Variants in ZCCHC10 observed in about 807,000 individuals in gnomAD.
ZCCHC10 encodes zinc finger CCHC domain-containing protein 10.
ZCCHC10 carries 16 observed loss-of-function variants against 19.5 expected under a neutral mutation model. The observed-to-expected ratio is 0.82, with a 90% CI of 0.56 to 1.25. The LOEUF is 1.25. Ranked by LOEUF, ZCCHC10 falls within the 50% of genes most tolerant of loss-of-function variation. The pLI, the probability that ZCCHC10 is intolerant of heterozygous loss-of-function variation, is 0.00. For missense variants in ZCCHC10, 197 were observed against 201.0 expected, an observed-to-expected ratio of 0.98 and a Z score of 0.12; for synonymous variants, 67 against 72.5, an observed-to-expected ratio of 0.92 and a Z score of 0.38.
chr5:133,007,183 G>A (rs1345005560), intron 2 of ZCCHC10, among the ~76,000 whole-genome samples: 1 of 151,996 alleles, frequency 6.6e-6, no homozygotes, highest in African/African-American at 2.4e-5. Flanking sequence ...TAATCATAGG[G>A]GCAAGTCTTT....
chr5:133,011,162 G>A (rs547256126), intron 2 of ZCCHC10, among the ~76,000 whole-genome samples: 13 of 151,392 alleles, frequency 8.6e-5, no homozygotes, highest in South Asian at 4.2e-4. Context: ...AAGTTGCCCC[G>A]GCTGGTCTTG....
At chr5:133,012,152 AAAAG>A (rs149949257) in intron 2 of ZCCHC10, among the ~76,000 whole-genome samples, 9,042 of 80,424 alleles carry the variant, frequency 0.11, 1,368 homozygotes, top group African/African-American at 0.29. Flanking sequence ...AAAAAAAAAA[AAAAG>A]AAAGAAAGAA....
Position 133,022,670 on chromosome 5 carries a change from CT to C in ZCCHC10, c.107+170del, listed in dbSNP as rs572368006. On this transcript the variant is annotated intron_variant, in intron 2 of 4. Coordinates refer to ENST00000509437, the MANE Select transcript of ZCCHC10 (RefSeq NM_001300816.3). ...GTTTCAACATGTTGGCCAGGATGGTCTCGATCTCTTGACCTTGTGATCCACC... is the reference window on the plus strand; with the variant it reads ...GTTTCAACATGTTGGCCAGGATGGTCCGATCTCTTGACCTTGTGATCCACC... Among the ~76,000 whole-genome samples the C allele has an allele frequency of 2.0e-3, 305 of 152,090 alleles. 2 individuals carry two copies. Among genetic ancestry groups the C allele is most frequent in the African/African-American group, 6.9e-3 (286 of 41,486 alleles).
At chr5:133,025,396 C>G (rs554488336) in intron 1 of ZCCHC10, among the ~76,000 whole-genome samples, 1 of 145,380 alleles carries the variant, frequency 6.9e-6, no homozygotes, top group African/African-American at 2.5e-5. Flanking sequence ...CCCAGCTACT[C>G]GGGAGGCTGA....
At chr5:133,004,503 T>C (rs968865700) in intron 3 of ZCCHC10, among the ~76,000 whole-genome samples, 1 of 150,076 alleles carries the variant, frequency 6.7e-6, no homozygotes, top group Non-Finnish European at 1.5e-5. Flanking sequence ...ATTTTTATTT[T>C]CTGAGACGGA....
At chr5:133,000,242 C>G in intron 3 of ZCCHC10, 69 bp from the exon 4 acceptor site, 1 of 1,540,466 alleles carries the variant, frequency 6.5e-7, no homozygotes, top group East Asian at 2.3e-5. Flanking sequence ...ACAAGCCCTT[C>G]TACTATCCCC....
At chr5:133,020,921 A>T (rs535677760) in intron 2 of ZCCHC10, among the ~76,000 whole-genome samples, 1 of 118,852 alleles carries the variant, frequency 8.4e-6, no homozygotes, top group Non-Finnish European at 1.7e-5. Flanking sequence ...TTTCTGAGAC[A>T]AGTCTCGCTC....
chr5:133,008,502 T>C (rs4355515), intron 2 of ZCCHC10, among the ~76,000 whole-genome samples: 44,202 of 145,294 alleles, frequency 0.3, 7,568 homozygotes, highest in African/African-American at 0.47. Context: ...TGCGCCATCG[T>C]ACTCCAGCCT....
At chr5:133,026,469 A>G in intron 1 of ZCCHC10, 28 bp downstream of exon 1, 1 of 1,612,370 alleles carries the variant, frequency 6.2e-7, no homozygotes, top group Non-Finnish European at 8.5e-7. Flanking sequence ...CCAGCCCTCC[A>G]GTGGACCCGA....
At chr5:133,022,078 G>C (rs1764349030) in intron 2 of ZCCHC10, among the ~76,000 whole-genome samples, 1 of 152,128 alleles carries the variant, frequency 6.6e-6, no homozygotes, top group Admixed American at 6.6e-5. Context: ...TTACAGGCAT[G>C]AGCCACCGCA....
intron 2 of ZCCHC10, among the ~76,000 whole-genome samples, chr5:133,014,154 CTTTTTTT>C (rs767551153): frequency 1.2e-4 from 14 of 113,076 alleles, no homozygotes; most frequent in Middle Eastern, 4.5e-3. Flanking sequence ...ACTATTTACT[CTTTTTTT>C]TTTTTTTTTT....
intron 3 of ZCCHC10, among the ~76,000 whole-genome samples, chr5:133,005,879 C>T (rs984566127): frequency 5.9e-5 from 9 of 151,426 alleles, no homozygotes; most frequent in Non-Finnish European, 5.9e-5. Flanking sequence ...CTGCATAACG[C>T]TTGAAGAACT....
chr5:133,000,895 C>A (rs1196761695), intron 3 of ZCCHC10, among the ~76,000 whole-genome samples: 1 of 151,634 alleles, frequency 6.6e-6, no homozygotes, highest in African/African-American at 2.4e-5. Flanking sequence ...CCCACCTTGG[C>A]CTCCCAAAGT....
chr5:133,019,160 C>A, intron 2 of ZCCHC10: 1 of 431,250 alleles, frequency 2.3e-6, no homozygotes. Flanking sequence ...AAGGCAGGAT[C>A]ACCCGAGCTC....
chr5:132,997,924 T>C lies in ZCCHC10; in HGVS notation c.*659A>G, dbSNP rs376896082. On this transcript the variant is annotated 3_prime_UTR_variant, in exon 5 of 5. Coordinates refer to ENST00000509437, the MANE Select transcript of ZCCHC10 (RefSeq NM_001300816.3). Reference sequence around the variant, plus strand: ...AAGTTTCAATTTTTTTGTCCCTTTTTAGGTTCCTCTAGAATAATTTTCCTC... The same window carrying C: ...AAGTTTCAATTTTTTTGTCCCTTTTCAGGTTCCTCTAGAATAATTTTCCTC... The C allele has an allele frequency of 6.6e-6, 1 of 152,308 alleles. No homozygotes were observed. Among genetic ancestry groups the C allele is most frequent in the Admixed American group, 6.5e-5 (1 of 15,286 alleles). 9.4% of individuals were successfully genotyped at this position (152,308 alleles called of 1,614,324 possible).
chr5:133,021,142 C>T (rs1299625030), intron 2 of ZCCHC10, among the ~76,000 whole-genome samples: 2 of 152,108 alleles, frequency 1.3e-5, no homozygotes, highest in Non-Finnish European at 2.9e-5. Context: ...GTGATCCGCC[C>T]GCCTCGGCCT....
chr5:133,000,527 T>C (rs979441883), intron 3 of ZCCHC10, among the ~76,000 whole-genome samples: 3 of 152,170 alleles, frequency 2.0e-5, no homozygotes, highest in Admixed American at 6.5e-5. Flanking sequence ...AATAGCACAA[T>C]AGCCCTAATT....
At chr5:133,009,343 T>A (rs1338458901) in intron 2 of ZCCHC10, among the ~76,000 whole-genome samples, 1 of 151,286 alleles carries the variant, frequency 6.6e-6, no homozygotes, top group African/African-American at 2.4e-5. Flanking sequence ...GATGGCCAGG[T>A]GCGGTGGCTC....
At chr5:133,013,061 T>TAAAAAAAAAAAAAAAAAAAAAAA (rs368155320) in intron 2 of ZCCHC10, among the ~76,000 whole-genome samples, 1 of 113,056 alleles carries the variant, frequency 8.8e-6, no homozygotes, top group Non-Finnish European at 1.9e-5. Context: ...AAAAAAAAAT[T>TAAAAAAAAAAAAAAAAAAAAAAA]AAAAAAAAAA....
Sources: gnomAD v4.1 joint callset for allele counts (sites outside exome capture counted in the v4.1 genomes callset) on GRCh38, gnomAD v4.1.1 for gene constraint, MANE v1.5 for transcripts, NCBI Gene and HGNC (gene_info 2026-07-23, HGNC 2026-07-21) for gene names.